The following GRIK3 variants were observed in gnomAD, a reference collection of about 807,000 sequenced individuals.
GRIK3 encodes glutamate receptor ionotropic, kainate 3.
GRIK3 carries 29 observed loss-of-function variants against 102.5 expected under a neutral mutation model. The ratio of observed to expected loss-of-function variants is 0.28; its 90% CI spans 0.21 to 0.39. The LOEUF (loss-of-function observed/expected upper bound fraction) is 0.39. Among genes scored for constraint, GRIK3 ranks in the 10% least tolerant of loss-of-function variants. The pLI, the probability that GRIK3 is intolerant of heterozygous loss-of-function variation, is 1.00. For missense variants in GRIK3, 908 were observed against 1,252.4 expected (o/e 0.73, Z 4.15); for synonymous variants, 511 against 504.9 (o/e 1.01, Z -0.16).
intron 1 of GRIK3, among the ~76,000 whole-genome samples, chr1:36,918,906 T>C (rs1392049978): frequency 6.6e-6 from 1 of 152,232 alleles, no homozygotes; most frequent in Non-Finnish European, 1.5e-5. Context: ...TCAATTACTA[T>C]TCATCGAACA....
At position 37,034,481 on chromosome 1, in the gene GRIK3, C is replaced by T. The variant is rs1019272183; in HGVS notation, c.-373G>A. Among the ~76,000 whole-genome samples the T allele has an allele frequency of 6.6e-6, 1 of 151,528 alleles. No homozygotes were observed. The highest frequency in any genetic ancestry group is 2.4e-5 in the African/African-American group (1 of 41,294). On this transcript the variant is annotated 5_prime_UTR_variant, in exon 1 of 16. Coordinates refer to ENST00000373091, the MANE Select transcript of GRIK3 (RefSeq NM_000831.4). ...GCACGCGTCTCCGGCCGCTCCTCCT[C>T]CAGCCGCCGCCGATGCTATCGCCCG...
At chr1:36,820,254 A>C (rs1642681728) in intron 11 of GRIK3, among the ~76,000 whole-genome samples, 1 of 152,392 alleles carries the variant, frequency 6.6e-6, no homozygotes, top group African/African-American at 2.4e-5. Context: ...AAATGATGCC[A>C]CAACTATACT....
chr1:36,817,417 C>G lies in GRIK3; in HGVS notation c.1874-140G>C, dbSNP rs1642644002. The G allele has an allele frequency of 3.6e-5, 23 of 635,156 alleles. No individual in the cohort carries two copies. The South Asian group carries it at 4.5e-4, about 12-fold the overall frequency. The allele number at this position is 635,156 out of a possible 1,614,324, so 39.3% of individuals were successfully genotyped here. On this transcript the variant is annotated intron_variant, in intron 12 of 15. Coordinates refer to ENST00000373091, the MANE Select transcript of GRIK3 (RefSeq NM_000831.4). ...GACCAGTGGTTCTCAAAAGTGTGGT[C>G]CCTGGACTGGCAGCAACATCATCAC...
At chr1:36,938,485 G>A (rs1641684349) in intron 1 of GRIK3, among the ~76,000 whole-genome samples, 1 of 152,210 alleles carries the variant, frequency 6.6e-6, no homozygotes. Flanking sequence ...ATGCCGTGAT[G>A]TTGCATCTCT....
Position 36,798,570 on chromosome 1 carries a change from A to G in GRIK3, c.*3281T>C, listed in dbSNP as rs1394195291. The G allele has an allele frequency of 6.6e-6, 1 of 152,318 alleles. No homozygotes were observed. Among genetic ancestry groups the G allele is most frequent in the African/African-American group, 2.4e-5 (1 of 41,480 alleles). 9.4% of individuals were successfully genotyped at this position (152,318 alleles called of 1,614,324 possible). On this transcript the variant is annotated 3_prime_UTR_variant, in exon 16 of 16. Coordinates refer to ENST00000373091, the MANE Select transcript of GRIK3 (RefSeq NM_000831.4). The stretch of plus-strand genomic sequence containing the variant: ...CTTAAAAAAACACAAGATCTGCCTC[A>G]CTGAAAACACCTCCCCACTCCGTCC...
intron 1 of GRIK3, among the ~76,000 whole-genome samples, chr1:36,930,714 G>A (rs973493269): frequency 7.2e-5 from 11 of 152,230 alleles, no homozygotes; most frequent in African/African-American, 2.2e-4. Context: ...GGTGCCTTTG[G>A]AGTGGGGTAT....
chr1:36,882,946 G>A (rs1021859053), intron 2 of GRIK3, among the ~76,000 whole-genome samples: 2 of 152,238 alleles, frequency 1.3e-5, no homozygotes, highest in Non-Finnish European at 2.9e-5. Flanking sequence ...AACAGAGCAT[G>A]AGCAAGCTCA....
chr1:36,836,090 T>G (rs1378271434), intron 10 of GRIK3, among the ~76,000 whole-genome samples: 2 of 152,138 alleles, frequency 1.3e-5, no homozygotes, highest in East Asian at 3.9e-4. Flanking sequence ...CTGGGGGAGC[T>G]CCCAGCATGC....
intron 15 of GRIK3, among the ~76,000 whole-genome samples, chr1:36,803,422 C>T (rs488680): frequency 0.19 from 29,606 of 151,866 alleles, 3,493 homozygotes; most frequent in African/African-American, 0.33. Flanking sequence ...TTTTTATTTT[C>T]ATTTTTTTAT....
intron 11 of GRIK3, among the ~76,000 whole-genome samples, chr1:36,823,239 CGAG>C (rs1309470160): frequency 2.0e-5 from 3 of 152,046 alleles, no homozygotes; most frequent in Non-Finnish European, 4.4e-5. Context: ...TTTGGGAGGC[CGAG>C]ACGGGTGGAT....
chr1:36,879,662 A>G (rs1247609928), intron 3 of GRIK3, among the ~76,000 whole-genome samples: 2 of 152,204 alleles, frequency 1.3e-5, no homozygotes, highest in Non-Finnish European at 2.9e-5. Context: ...GTTTTCTGGA[A>G]GGCAGAGCCC....
chr1:36,833,511 C>T (rs1158818092), intron 10 of GRIK3, among the ~76,000 whole-genome samples: 2 of 152,240 alleles, frequency 1.3e-5, no homozygotes, highest in Non-Finnish European at 2.9e-5. Context: ...ATCTCTTTCC[C>T]CTGCCCCCAG....
chr1:36,840,551 C>A (rs111928091), intron 10 of GRIK3, among the ~76,000 whole-genome samples: 58 of 73,296 alleles, frequency 7.9e-4, no homozygotes, highest in East Asian at 1.4e-3. Context: ...TGCTCTCCAC[C>A]AAAAAAAAAA....
At chr1:36,887,912 T>A (rs924928850) in intron 2 of GRIK3, among the ~76,000 whole-genome samples, 5 of 151,918 alleles carry the variant, frequency 3.3e-5, no homozygotes, top group African/African-American at 1.2e-4. Context: ...CTTTACCAAG[T>A]GCTAGTGAAG....
In GRIK3 at chr1:36,821,573, C is replaced by A. The variant is rs112838845; in HGVS notation, c.1755-1719G>T. On this transcript the variant is annotated intron_variant, in intron 11 of 15. Coordinates refer to ENST00000373091, the MANE Select transcript of GRIK3 (RefSeq NM_000831.4). The stretch of plus-strand genomic sequence containing the variant: ...GCTGCACAACATTGGCCTGCAGGCC[C>A]AGACACCACCGGGTCCCAGGATGCT... 2.1e-3 allele frequency among the ~76,000 whole-genome samples: 315 copies of A among 152,334 alleles called. 4 individuals carry two copies. In the East Asian group the frequency reaches 0.027, roughly 13 times the overall value.
At chr1:36,851,655 AG>A (rs1396847934) in intron 8 of GRIK3, among the ~76,000 whole-genome samples, 2 of 152,260 alleles carry the variant, frequency 1.3e-5, no homozygotes, top group South Asian at 4.1e-4. Flanking sequence ...AGGACTGAGG[AG>A]GACCCAGCCT....
chr1:36,937,020 G>A (rs1380394852), intron 1 of GRIK3, among the ~76,000 whole-genome samples: 4 of 152,210 alleles, frequency 2.6e-5, no homozygotes, highest in African/African-American at 7.2e-5. Flanking sequence ...GACACGCAGT[G>A]GAGGATATCG....
In GRIK3 at chr1:36,860,183, C is replaced by G. The variant is rs181734261; in HGVS notation, c.787-166G>C. On this transcript the variant is annotated intron_variant, in intron 5 of 15. Transcript: ENST00000373091. ...GATATCGGGGTAGTCACAGGAGCAC[C>G]CATAGGACCACTGCACCTGGAGTCT... 2.1e-3 allele frequency among the ~76,000 whole-genome samples: 324 copies of G among 152,308 alleles called. 1 individual carries two copies. Among genetic ancestry groups the G allele is most frequent in the African/African-American group, 7.1e-3 (296 of 41,574 alleles).
chr1:37,024,460 T>TTATTAA (rs1432219857), intron 1 of GRIK3, among the ~76,000 whole-genome samples: 1 of 149,482 alleles, frequency 6.7e-6, no homozygotes, highest in East Asian at 1.9e-4. Flanking sequence ...ATTATTATTA[T>TTATTAA]TATTATTATT....
Sources: gnomAD v4.1 joint callset for allele counts (sites outside exome capture counted in the v4.1 genomes callset) on GRCh38, gnomAD v4.1.1 for gene constraint, MANE v1.5 for transcripts, NCBI Gene and HGNC (gene_info 2026-07-23, HGNC 2026-07-21) for gene names.